Variants in ZNF804B observed in about 807,000 individuals in gnomAD.
The protein encoded by ZNF804B is zinc finger 804B.
A neutral mutation model predicts 101.4 loss-of-function variants in ZNF804B; 80 were observed. The ratio of observed to expected loss-of-function variants is 0.79; its 90% CI spans 0.66 to 0.95. The LOEUF (loss-of-function observed/expected upper bound fraction) is 0.95, where lower values mean the gene tolerates loss of function less well. ZNF804B is among the 40% of genes least tolerant of loss of function. ZNF804B has a pLI of 0.00. For synonymous variants in ZNF804B, 622 were observed against 558.8 expected (o/e 1.11, Z -1.59); for missense variants, 1,673 against 1,561.9 (o/e 1.07, Z -1.20).
chr7:88,870,242 G>T (rs977692076), intron 1 of ZNF804B, among the ~76,000 whole-genome samples: 1 of 150,842 alleles, frequency 6.6e-6, no homozygotes, highest in South Asian at 2.1e-4. Context: ...AAAATTAGCC[G>T]GGCATGGTGG....
At chr7:89,284,948 C>T (rs1265433430) in intron 2 of ZNF804B, among the ~76,000 whole-genome samples, 1 of 152,024 alleles carries the variant, frequency 6.6e-6, no homozygotes, top group Non-Finnish European at 1.5e-5. Context: ...CCTGTAATCT[C>T]AGCACTTTGA....
intron 1 of ZNF804B, among the ~76,000 whole-genome samples, chr7:89,203,837 C>T (rs982299089): frequency 9.2e-5 from 14 of 152,148 alleles, no homozygotes; most frequent in African/African-American, 3.4e-4. Flanking sequence ...TGGCTTTATA[C>T]TATTTTAATA....
At chr7:89,297,346 G>T (rs1790399445) in intron 2 of ZNF804B, among the ~76,000 whole-genome samples, 1 of 151,916 alleles carries the variant, frequency 6.6e-6, no homozygotes, top group African/African-American at 2.4e-5. Flanking sequence ...TGTCTAAATA[G>T]ATAAGAATTG....
At position 88,957,222 on chromosome 7, in the gene ZNF804B, G is replaced by A. The variant is rs537878109; in HGVS notation, c.108+197138G>A. On this transcript the variant is annotated intron_variant, in intron 1 of 3. Coordinates refer to ENST00000333190, the MANE Select transcript of ZNF804B (RefSeq NM_181646.5). ...GAGTTTATCCAGAACACATTTTGTG[G>A]TATAATAAGAGAACATACTCACAGC... Among the ~76,000 whole-genome samples the A allele has an allele frequency of 2.4e-4, 36 of 151,544 alleles. No individual in the cohort carries two copies. The South Asian group carries it at 5.0e-3, about 21-fold the overall frequency.
chr7:89,322,546 T>G (rs1790836166), intron 2 of ZNF804B, among the ~76,000 whole-genome samples: 1 of 152,132 alleles, frequency 6.6e-6, no homozygotes, highest in South Asian at 2.1e-4. Context: ...TGGTGAATAA[T>G]ATAGAATACA....
intron 2 of ZNF804B, among the ~76,000 whole-genome samples, chr7:89,280,084 A>G (rs1790063856): frequency 2.0e-5 from 3 of 152,240 alleles, no homozygotes; most frequent in Admixed American, 6.5e-5. Context: ...CAATCAAACT[A>G]GAACTCGGGA....
At chr7:88,964,100 G>T (rs1327154423) in intron 1 of ZNF804B, among the ~76,000 whole-genome samples, 1 of 151,356 alleles carries the variant, frequency 6.6e-6, no homozygotes, top group African/African-American at 2.4e-5. Flanking sequence ...AAATGGTGCA[G>T]CTGCTGTGGA....
intron 1 of ZNF804B, among the ~76,000 whole-genome samples, chr7:89,005,421 A>G (rs955023266): frequency 2.0e-5 from 3 of 152,104 alleles, no homozygotes; most frequent in Non-Finnish European, 4.4e-5. Context: ...CAAAGGTTAT[A>G]GAACATTTTT....
chr7:89,121,734 A>G (rs1790409169), intron 1 of ZNF804B, among the ~76,000 whole-genome samples: 1 of 152,204 alleles, frequency 6.6e-6, no homozygotes, highest in South Asian at 2.1e-4. Context: ...AAGTAAATCA[A>G]GCCCTTCCTT....
chr7:88,792,060 C>A (rs1488979739), intron 1 of ZNF804B, among the ~76,000 whole-genome samples: 1 of 152,042 alleles, frequency 6.6e-6, no homozygotes, highest in Non-Finnish European at 1.5e-5. Flanking sequence ...CTGGATTGCT[C>A]ACAGCATAGT....
chr7:89,227,194 T>C lies in ZNF804B; in HGVS notation c.249+8899T>C, dbSNP rs376418248. 3.3e-5 allele frequency among the ~76,000 whole-genome samples: 5 copies of C among 152,276 alleles called. No individual in the cohort carries two copies. The East Asian group carries it at 5.8e-4, about 18-fold the overall frequency. ...AGGGCTTCCTAACAAAGGATACATA[T>C]GAGATAAAATTTGGGGATCCTTGTC... On this transcript the variant is annotated intron_variant, in intron 2 of 3. Coordinates refer to ENST00000333190, the MANE Select transcript of ZNF804B (RefSeq NM_181646.5).
At chr7:88,881,589 T>A (rs1792029383) in intron 1 of ZNF804B, among the ~76,000 whole-genome samples, 1 of 152,204 alleles carries the variant, frequency 6.6e-6, no homozygotes, top group African/African-American at 2.4e-5. Context: ...TGAACATATT[T>A]TAAAATGGCT....
At chr7:88,809,059 C>G in intron 1 of ZNF804B, among the ~76,000 whole-genome samples, 1 of 152,060 alleles carries the variant, frequency 6.6e-6, no homozygotes, top group East Asian at 1.9e-4. Flanking sequence ...GTAGAAGTAT[C>G]TAAAATAACT....
Position 89,324,922 on chromosome 7 carries a change from T to C in ZNF804B, c.250-2422T>C, listed in dbSNP as rs561957774. Among the ~76,000 whole-genome samples the C allele has an allele frequency of 5.9e-5, 9 of 152,086 alleles. No homozygotes were observed. In the East Asian group the frequency reaches 1.5e-3, roughly 26 times the overall value. On this transcript the variant is annotated intron_variant, in intron 2 of 3. Transcript: ENST00000333190. ...GTTTTATACTTTTATTTCCTGCTTTTATGATTTTTTTAAAGCAACTCCAAA... is the reference window on the plus strand; with the variant it reads ...GTTTTATACTTTTATTTCCTGCTTTCATGATTTTTTTAAAGCAACTCCAAA...
At chr7:89,277,109 A>G (rs1438686377) in intron 2 of ZNF804B, among the ~76,000 whole-genome samples, 1 of 148,370 alleles carries the variant, frequency 6.7e-6, no homozygotes, top group Non-Finnish European at 1.5e-5. Flanking sequence ...AATATTTATT[A>G]TATATAAATA....
intron 2 of ZNF804B, among the ~76,000 whole-genome samples, chr7:89,224,759 T>TGA (rs1789059574): frequency 1.2e-4 from 5 of 40,886 alleles, no homozygotes; most frequent in African/African-American, 3.0e-4. Context: ...TGTATGAGTG[T>TGA]GTGTGTGTGT....
intron 1 of ZNF804B, among the ~76,000 whole-genome samples, chr7:88,950,755 G>A (rs1419698437): frequency 1.3e-5 from 2 of 151,666 alleles, no homozygotes; most frequent in Admixed American, 1.3e-4. Flanking sequence ...ATTAGATTAT[G>A]TATATAAAAT....
chr7:88,787,917 T>G (rs1186700657), intron 1 of ZNF804B, among the ~76,000 whole-genome samples: 2 of 152,040 alleles, frequency 1.3e-5, no homozygotes, highest in African/African-American at 4.8e-5. Flanking sequence ...AGAAACAAGA[T>G]CAGACAATGG....
intron 2 of ZNF804B, among the ~76,000 whole-genome samples, chr7:89,277,685 T>C (rs1469337893): frequency 6.6e-6 from 1 of 151,738 alleles, no homozygotes; most frequent in Non-Finnish European, 1.5e-5. Flanking sequence ...GAACTCATCA[T>C]TTTTTATGGC....
Sources: gnomAD v4.1 joint callset for allele counts (sites outside exome capture counted in the v4.1 genomes callset) on GRCh38, gnomAD v4.1.1 for gene constraint, MANE v1.5 for transcripts, NCBI Gene and HGNC (gene_info 2026-07-23, HGNC 2026-07-21) for gene names.